Variants in AADAT observed in about 807,000 individuals in gnomAD.
AADAT encodes the protein kynurenine/alpha-aminoadipate aminotransferase, mitochondrial.
AADAT carries 25 observed loss-of-function variants against 56.2 expected under a neutral mutation model. The observed-to-expected ratio is 0.44, with a 90% CI of 0.32 to 0.62. AADAT has a LOEUF of 0.62. Among genes scored for constraint, AADAT ranks in the 20% least tolerant of loss-of-function variants. The probability of loss-of-function intolerance (pLI) is 0.04; values close to 1 mark genes in which losing one functional copy is unlikely to be tolerated. For missense variants in AADAT, 387 were observed against 510.5 expected (o/e 0.76, Z 2.33); for synonymous variants, 173 against 164.7 (o/e 1.05, Z -0.39).
In AADAT at chr4:170,070,671, A is replaced by G. The variant is rs539861467; in HGVS notation, c.655-19T>C. The stretch of plus-strand genomic sequence containing the variant: ...TTGCAAGCTAAAAAAGGTTGAAGTA[A>G]TTGTTTATTTCTTAATCTATTTATT... On this transcript the variant is annotated intron_variant, in intron 5 of 12. Transcript: ENST00000337664. The G allele has an allele frequency of 3.3e-5, 48 of 1,453,928 alleles. No individual in the cohort carries two copies. The South Asian group carries it at 5.1e-4, about 15-fold the overall frequency. 90.1% of individuals were successfully genotyped at this position (1,453,928 alleles called of 1,614,324 possible).
At chr4:170,082,795 T>TA (rs1732379701) in intron 3 of AADAT, among the ~76,000 whole-genome samples, 1 of 151,426 alleles carries the variant, frequency 6.6e-6, no homozygotes, top group South Asian at 2.1e-4. Context: ...TTAGAAAAAA[T>TA]AGACTACAAA....
intron 5 of AADAT, 149 bp from the exon 6 acceptor site, chr4:170,070,801 G>A: frequency 3.5e-6 from 2 of 578,552 alleles, no homozygotes; most frequent in Admixed American, 3.5e-5. Context: ...GATAAAAAGA[G>A]GAACAAGGCA....
upstream of AADAT, chr4:170,090,510 A>G (rs1732781916): frequency 6.6e-6 from 1 of 152,204 alleles, no homozygotes; most frequent in Admixed American, 6.5e-5. Context: ...AGATCTCAGC[A>G]TTTTGGAGTG....
intron 8 of AADAT, among the ~76,000 whole-genome samples, chr4:170,067,816 T>C (rs1444628950): frequency 6.6e-6 from 1 of 152,118 alleles, no homozygotes; most frequent in Non-Finnish European, 1.5e-5. Context: ...TAAAGTTACA[T>C]GACATATTTG....
intron 11 of AADAT, among the ~76,000 whole-genome samples, chr4:170,063,911 G>C (rs1348743343): frequency 6.6e-6 from 1 of 151,800 alleles, no homozygotes; most frequent in Non-Finnish European, 1.5e-5. Flanking sequence ...CTTACTTGAT[G>C]CCTCCAATGA....
chr4:170,068,557 C>T, intron 8 of AADAT, 34 bp downstream of exon 8: 1 of 1,347,702 alleles, frequency 7.4e-7, no homozygotes, highest in South Asian at 1.4e-5. Flanking sequence ...AATCTGATTA[C>T]AAAAAAAAAA....
chr4:170,070,306 T>C, intron 6 of AADAT, among the ~76,000 whole-genome samples: 1 of 152,128 alleles, frequency 6.6e-6, no homozygotes, highest in Non-Finnish European at 1.5e-5. Context: ...TCAGCCCTGA[T>C]TTACTCTGTT....
chr4:170,068,601 G>C lies in AADAT; in HGVS notation c.890C>G (p.Thr297Ser). The change falls in exon 8 of 13, where the codon ACT (threonine) becomes AGT (serine). Residue 297 changes from threonine (T) to serine (S), a missense_variant. Coordinates refer to ENST00000337664, the MANE Select transcript of AADAT (RefSeq NM_016228.4). ...CTAAATTGTCCTTACCTGGTTAAAAGTGCTGGGGTGCAATGTTGAAACTTG... is the reference window on the plus strand; with the variant it reads ...CTAAATTGTCCTTACCTGGTTAAAACTGCTGGGGTGCAATGTTGAAACTTG... The part of the protein sequence containing the change: ...HIQVSTLHPS[T>S]FNQLMISQLL... The C allele has an allele frequency of 1.3e-6, 2 of 1,599,638 alleles. No homozygotes were observed. The highest frequency in any genetic ancestry group is 1.1e-5 in the South Asian group (1 of 87,516).
intron 4 of AADAT, among the ~76,000 whole-genome samples, chr4:170,076,481 C>T (rs1732038940): frequency 6.6e-6 from 1 of 152,116 alleles, no homozygotes; most frequent in Non-Finnish European, 1.5e-5. Context: ...TGATGTTGAG[C>T]ATCTTTTATG....
At chr4:170,091,401 C>T (rs1045613620), upstream of AADAT, among the ~76,000 whole-genome samples, 3 of 152,202 alleles carry the variant, frequency 2.0e-5, no homozygotes, top group Non-Finnish European at 4.4e-5. Flanking sequence ...TGTGCCCAGT[C>T]TCCCAGCAAT....
chr4:170,066,614 A>G (rs919736134), intron 9 of AADAT, 136 bp from the exon 10 acceptor site: 9 of 640,622 alleles, frequency 1.4e-5, no homozygotes, highest in Non-Finnish European at 2.5e-5. Context: ...AGAATGGAGC[A>G]TATTTGTTTC....
chr4:170,068,791 G>A, intron 7 of AADAT, 104 bp from the exon 8 acceptor site: 1 of 707,110 alleles, frequency 1.4e-6, no homozygotes. Context: ...GGGGACAAAA[G>A]GATCTAGATA....
intron 12 of AADAT, 49 bp from the exon 13 acceptor site, chr4:170,061,018 T>C: frequency 3.1e-6 from 4 of 1,273,392 alleles, no homozygotes; most frequent in Non-Finnish European, 4.3e-6. Context: ...GATACTATAT[T>C]GGAAAACTCT....
intron 1 of AADAT, 46 bp from the exon 2 acceptor site, chr4:170,088,610 T>C (rs780491775): frequency 5.1e-6 from 8 of 1,564,630 alleles, no homozygotes; most frequent in Middle Eastern, 1.7e-4. Context: ...TGAAGATTGT[T>C]ATAAGCGGAT....
At chr4:170,093,689 G>GGGCTCAAGCA (rs1561030429), upstream of AADAT, among the ~76,000 whole-genome samples, 1 of 152,038 alleles carries the variant, frequency 6.6e-6, no homozygotes, top group African/African-American at 2.4e-5. Context: ...TCGTCTTCCC[G>GGGCTCAAGCA]GGCTCAAGCA....
chr4:170,062,457 C>CA (rs1230864845), intron 11 of AADAT, among the ~76,000 whole-genome samples: 1 of 152,144 alleles, frequency 6.6e-6, no homozygotes, highest in Non-Finnish European at 1.5e-5. Flanking sequence ...CAAAGATACA[C>CA]AGAGTAAAGG....
At chr4:170,078,724 A>T in intron 3 of AADAT, 141 bp from the exon 4 acceptor site, 1 of 467,244 alleles carries the variant, frequency 2.1e-6, no homozygotes. Flanking sequence ...CAAACAGTAA[A>T]CACTTTGCGG....
chr4:170,092,829 T>C (rs910818148), upstream of AADAT, among the ~76,000 whole-genome samples: 1 of 151,954 alleles, frequency 6.6e-6, no homozygotes, highest in African/African-American at 2.4e-5. Flanking sequence ...GTTAGTAACA[T>C]GCATTTAAGC....
rs5864015 is a variant in AADAT at position 170,073,403 on chromosome 4, GTTT to G, written c.445-61_445-59del. Reference sequence around the variant, plus strand: ...ATGATTACAAATGTAAGTGCTATTGGTTTTTTTTTTTTCTTTCTAACTAAGAAC... The same window carrying G: ...ATGATTACAAATGTAAGTGCTATTGGTTTTTTTTTCTTTCTAACTAAGAAC... On this transcript the variant is annotated intron_variant, in intron 4 of 12. Coordinates refer to ENST00000337664, the MANE Select transcript of AADAT (RefSeq NM_016228.4). 7.6e-6 allele frequency: 9 copies of G among 1,178,528 alleles called. No individual in the cohort carries two copies. The Admixed American group carries it at 8.8e-5, about 11-fold the overall frequency. 73.0% of individuals were successfully genotyped at this position (1,178,528 alleles called of 1,614,324 possible). A position where few individuals can be genotyped will look rare whatever the true frequency, so the allele number is the denominator to read the frequency against.
Sources: gnomAD v4.1 joint callset for allele counts (sites outside exome capture counted in the v4.1 genomes callset) on GRCh38, gnomAD v4.1.1 for gene constraint, MANE v1.5 for transcripts, NCBI Gene and HGNC (gene_info 2026-07-23, HGNC 2026-07-21) for gene names.